Variants in CDK15 observed in about 807,000 individuals in gnomAD.
CDK15 encodes the protein cyclin-dependent kinase 15.
CDK15 carries 62 observed loss-of-function variants against 60.3 expected under a neutral mutation model. The observed-to-expected ratio is 1.03, with a 90% CI of 0.84 to 1.27. The LOEUF is 1.27. Ranked by LOEUF, CDK15 falls within the 50% of genes most tolerant of loss-of-function variation. The pLI is 0.00. For missense variants in CDK15, 541 were observed against 527.8 expected (o/e 1.03, Z -0.25); for synonymous variants, 194 against 195.7 (o/e 0.99, Z 0.07).
intron 9 of CDK15, among the ~76,000 whole-genome samples, chr2:201,849,199 AAT>A (rs1697798637): frequency 6.6e-6 from 1 of 152,230 alleles, no homozygotes; most frequent in Non-Finnish European, 1.5e-5. Context: ...CTTTATTGAG[AAT>A]TCCATAAAAA....
intron 8 of CDK15, among the ~76,000 whole-genome samples, chr2:201,844,901 C>T (rs760512012): frequency 1.3e-5 from 2 of 152,158 alleles, no homozygotes; most frequent in Non-Finnish European, 2.9e-5. Context: ...GTAATTCCAG[C>T]ACTTTGGAAG....
intron 4 of CDK15, among the ~76,000 whole-genome samples, chr2:201,814,443 A>G (rs961429661): frequency 6.6e-6 from 1 of 152,182 alleles, no homozygotes; most frequent in Non-Finnish European, 1.5e-5. Flanking sequence ...TCCAACAATG[A>G]ATGTTTCTTT....
At chr2:201,808,539 T>C (rs1405852026) in intron 3 of CDK15, 1 of 152,188 alleles carries the variant, frequency 6.6e-6, no homozygotes, top group Non-Finnish European at 1.5e-5. Context: ...AACAACCAAC[T>C]TTGTTAAATA....
intron 4 of CDK15, among the ~76,000 whole-genome samples, chr2:201,816,591 C>T (rs190616952): frequency 1.4e-4 from 21 of 149,224 alleles, no homozygotes; most frequent in East Asian, 1.0e-3. Context: ...AGTGCTGTGA[C>T]GAACATAAAA....
At position 201,833,957 on chromosome 2, in the gene CDK15, A is replaced by T; in HGVS notation, c.716A>T (p.Lys239Ile). ...CTCATCAGTCACCTGGGAGAGCTCA[A>T]ACTGGCTGATTTTGGTAAGTCGCCC... Reference protein sequence around the residue: ...NLLISHLGELKLADFGLARAK... With the variant: ...NLLISHLGELILADFGLARAK... Residue 239 changes from lysine to isoleucine, a missense_variant, in exon 7 of 14, where the codon AAA (lysine) becomes ATA (isoleucine). Lys to Ile is a moderately radical substitution (Grantham distance 102). Transcript: ENST00000652192. The T allele has an allele frequency of 6.2e-7, 1 of 1,613,688 alleles. No individual in the cohort carries two copies. The highest frequency in any genetic ancestry group is 8.5e-7 in the Non-Finnish European group (1 of 1,179,832).
At chr2:201,838,146 G>A (rs905542894) in intron 8 of CDK15, among the ~76,000 whole-genome samples, 5 of 151,456 alleles carry the variant, frequency 3.3e-5, no homozygotes, top group East Asian at 1.9e-4. Context: ...ACATTCAAGA[G>A]TATATATAAC....
chr2:201,865,586 G>T (rs968450119), intron 10 of CDK15, among the ~76,000 whole-genome samples: 6 of 152,162 alleles, frequency 3.9e-5, no homozygotes, highest in Admixed American at 1.3e-4. Context: ...GATGCTCAAA[G>T]GGGACTCTAA....
rs1170719423 is a variant in CDK15 at position 201,895,105 on chromosome 2, C to A, written c.*1838C>A. On this transcript the variant is annotated 3_prime_UTR_variant, in exon 14 of 14. Coordinates refer to ENST00000652192, the MANE Select transcript of CDK15 (RefSeq NM_001366386.2). ...GAGCAGTTTTACCTGTCCATCAATA[C>A]AAAGAGTTCCCACAACAGTAGTGGG... 1.3e-5 allele frequency: 2 copies of A among 152,178 alleles called. No individual in the cohort carries two copies. Among genetic ancestry groups the A allele is most frequent in the Admixed American group, 1.3e-4 (2 of 15,266 alleles). The allele number at this position is 152,178 out of a possible 1,614,324, so 9.4% of individuals were successfully genotyped here. A position where few individuals can be genotyped will look rare whatever the true frequency, so the allele number is the denominator to read the frequency against.
intron 6 of CDK15, chr2:201,824,616 C>T: frequency 3.1e-6 from 1 of 327,424 alleles, no homozygotes; most frequent in Non-Finnish European, 5.8e-6. Context: ...GACCTAAATA[C>T]CCAGAAGAAC....
intron 8 of CDK15, among the ~76,000 whole-genome samples, chr2:201,843,337 C>T (rs1355701946): frequency 1.3e-5 from 2 of 152,086 alleles, no homozygotes; most frequent in Non-Finnish European, 2.9e-5. Context: ...CAGGAACACA[C>T]CACCATACCC....
At chr2:201,857,359 A>AACATCCAT (rs1698190009) in intron 10 of CDK15, among the ~76,000 whole-genome samples, 1 of 152,044 alleles carries the variant, frequency 6.6e-6, no homozygotes, top group Admixed American at 6.6e-5. Context: ...CTCCAGGCCC[A>AACATCCAT]ACATCCATAG....
At chr2:201,837,751 C>A (rs544696822) in intron 8 of CDK15, among the ~76,000 whole-genome samples, 2 of 152,268 alleles carry the variant, frequency 1.3e-5, no homozygotes, top group African/African-American at 4.8e-5. Flanking sequence ...ATATATGAAT[C>A]TCTTTCAGTA....
chr2:201,806,699 C>T lies in CDK15; in HGVS notation c.35C>T (p.Pro12Leu), dbSNP rs748700701. ...GAGCTGTGTGCAAAGACTGTACAGC[C>T]TGGATGCAGCTGCTACCATTGTTCA... is the stretch of plus-strand genomic sequence containing the variant. ...GQELCAKTVQ[P>L]GCSCYHCSEG... Residue 12 changes from proline to leucine, a missense_variant, in exon 1 of 14, where the codon CCT becomes CTT. Coordinates refer to ENST00000652192, the MANE Select transcript of CDK15 (RefSeq NM_001366386.2). The T allele has an allele frequency of 4.4e-6, 7 of 1,597,758 alleles. No individual in the cohort carries two copies. Among genetic ancestry groups the T allele is most frequent in the African/African-American group, 1.3e-5 (1 of 74,908 alleles).
intron 12 of CDK15, among the ~76,000 whole-genome samples, chr2:201,887,570 G>C (rs1699498793): frequency 6.6e-6 from 1 of 152,130 alleles, no homozygotes; most frequent in Admixed American, 6.5e-5. Context: ...TGCATGATGG[G>C]TTAACACTAG....
chr2:201,837,600 G>T (rs914132266), intron 8 of CDK15, among the ~76,000 whole-genome samples: 1 of 152,074 alleles, frequency 6.6e-6, no homozygotes, highest in African/African-American at 2.4e-5. Flanking sequence ...TAGTGAGCAT[G>T]GGCTGTCAGA....
rs1699165078 is a variant in CDK15 at position 201,878,573 on chromosome 2, C to T, written c.1059-1455C>T. On this transcript the variant is annotated intron_variant, in intron 11 of 13. Coordinates refer to ENST00000652192, the MANE Select transcript of CDK15 (RefSeq NM_001366386.2). ...AATAAGGTCAACTTGAGGATTTGTC[C>T]TTACTGTGATTTAGGTACTTAATTA... Among the ~76,000 whole-genome samples, 9 of 152,266 alleles carry T rather than the reference C, an allele frequency of 5.9e-5. No homozygotes were observed. The South Asian group carries it at 1.9e-3, about 32-fold the overall frequency.
At chr2:201,833,699 ATCTTCT>A (rs147493518) in intron 6 of CDK15, 143 bp from the exon 7 acceptor site, 46 of 292,266 alleles carry the variant, frequency 1.6e-4, no homozygotes, top group African/African-American at 6.2e-4. Flanking sequence ...GAATGTAAAA[ATCTTCT>A]TCTTCTTCTT....
chr2:201,871,561 A>G (rs1225573427), intron 10 of CDK15, among the ~76,000 whole-genome samples: 1 of 151,718 alleles, frequency 6.6e-6, no homozygotes, highest in Admixed American at 6.6e-5. Flanking sequence ...AGCTCTGCAG[A>G]GGTAGTGGGG....
intron 3 of CDK15, among the ~76,000 whole-genome samples, chr2:201,811,121 G>A (rs1276871408): frequency 1.3e-5 from 2 of 149,996 alleles, no homozygotes; most frequent in Non-Finnish European, 3.0e-5. Context: ...AGGATTACAG[G>A]CATGAGCCAC....
Sources: allele counts gnomAD v4.1 joint callset (sites outside exome capture counted in the v4.1 genomes callset), GRCh38; gene constraint gnomAD v4.1.1; transcripts MANE v1.5; gene names NCBI Gene and HGNC (gene_info 2026-07-23, HGNC 2026-07-21).